Variants in DDX5 observed in about 807,000 individuals in gnomAD.
DDX5 encodes probable ATP-dependent RNA helicase DDX5.
Under a neutral mutation model 68.6 loss-of-function variants are expected in DDX5, and 6 were observed. The observed-to-expected ratio is 0.09, with a 90% CI of 0.05 to 0.17. The LOEUF (loss-of-function observed/expected upper bound fraction) is 0.17. Among genes scored for constraint, DDX5 ranks in the 10% least tolerant of loss-of-function variants. The pLI, the probability that DDX5 is intolerant of heterozygous loss-of-function variation, is 1.00. For synonymous variants in DDX5, 350 were observed against 247.0 expected (o/e 1.42, Z -3.91); for missense variants, 499 against 756.1 (o/e 0.66, Z 3.99).
Position 64,499,559 on chromosome 17 carries a change from A to G in DDX5, c.*364T>C, listed in dbSNP as rs1203320280. On this transcript the variant is annotated 3_prime_UTR_variant, in exon 13 of 13. Coordinates refer to ENST00000225792, the MANE Select transcript of DDX5 (RefSeq NM_004396.5). ...ACCAAACAAAAACAAAAAAAAAACCAGACCATCTTAAGCAAAGTTTTACAT... is the reference window on the plus strand; with the variant it reads ...ACCAAACAAAAACAAAAAAAAAACCGGACCATCTTAAGCAAAGTTTTACAT... 8.5e-6 allele frequency: 2 copies of G among 236,328 alleles called. No homozygotes were observed. The highest frequency in any genetic ancestry group is 1.7e-5 in the Non-Finnish European group (2 of 121,188). 14.6% of individuals were successfully genotyped at this position (236,328 alleles called of 1,614,324 possible). A position where few individuals can be genotyped will look rare whatever the true frequency, so the allele number is the denominator to read the frequency against.
In DDX5 at chr17:64,498,254, T is replaced by C. The variant is rs1313083550; in HGVS notation, c.*1669A>G. Among the ~76,000 whole-genome samples the C allele has an allele frequency of 5.3e-5, 8 of 152,042 alleles. No homozygotes were observed. Among genetic ancestry groups the C allele is most frequent in the African/African-American group, 1.9e-4 (8 of 41,400 alleles). On this transcript the variant is annotated 3_prime_UTR_variant, in exon 13 of 13. Coordinates refer to ENST00000225792, the MANE Select transcript of DDX5 (RefSeq NM_004396.5). ...TACGCAAATAAATAAAAAGAGAGAA[T>C]GGGGAGAAAAATCACATTTATTAGT...
intron 12 of DDX5, 42 bp downstream of exon 12, chr17:64,500,507 T>C (rs781866615): frequency 7.0e-6 from 11 of 1,578,520 alleles, no homozygotes; most frequent in East Asian, 2.3e-5. Flanking sequence ...TAGACAACGA[T>C]GTGACTCGTA....
intron 2 of DDX5, 179 bp downstream of exon 2, chr17:64,504,498 A>AT (rs2038376978): frequency 1.1e-6 from 1 of 941,698 alleles, no homozygotes. Context: ...ACTCAACCTA[A>AT]TTTAAGTAAA....
At chr17:64,500,378 T>C (rs1218844256) in intron 12 of DDX5, 52 bp from the exon 13 acceptor site, 7 of 1,561,728 alleles carry the variant, frequency 4.5e-6, no homozygotes, top group African/African-American at 4.1e-5. Flanking sequence ...ACACAAATCA[T>C]TGTGGACAGA....
rs1555671497 is a variant in DDX5 at position 64,503,591 on chromosome 17, T to C, written c.508-20A>G. ...CAAACACTAAGGAAAGAGAAACAGC[T>C]TTCAGCACAAACCTGGATACTAGTT... On this transcript the variant is annotated intron_variant, in intron 5 of 12. Transcript: ENST00000225792. 2 of 1,612,780 alleles carry C rather than the reference T, an allele frequency of 1.2e-6. No homozygotes were observed. Among genetic ancestry groups the C allele is most frequent in the Admixed American group, 3.4e-5 (2 of 59,648 alleles).
rs200755111 is a variant in DDX5 at position 64,503,385 on chromosome 17, G to C, written c.650-37C>G. The C allele has an allele frequency of 5.0e-5, 80 of 1,613,928 alleles. No individual in the cohort carries two copies. In the South Asian group the frequency reaches 7.6e-4, roughly 15 times the overall value. ...TACGTAAGTGTAACTACAATACCTA[G>C]GATATTTAGCACCAATGACAAATAA... On this transcript the variant is annotated intron_variant, in intron 6 of 12. Coordinates refer to ENST00000225792, the MANE Select transcript of DDX5 (RefSeq NM_004396.5).
chr17:64,501,908 A>T (rs2038306011), intron 11 of DDX5, 102 bp downstream of exon 11: 1 of 1,259,358 alleles, frequency 7.9e-7, no homozygotes. Context: ...GTGAAAAAAA[A>T]CTTAGAAAAA....
intron 1 of DDX5, chr17:64,505,632 A>T: frequency 1.7e-6 from 2 of 1,143,278 alleles, no homozygotes; most frequent in Non-Finnish European, 2.5e-6. Flanking sequence ...CGACTCAGCC[A>T]CATGGCTGAT....
Position 64,500,540 on chromosome 17 carries a change from C to T in DDX5, c.1441+9G>A. ...GTAACTACCAACATTTCCTATCAGT[C>T]ATCCTTACCTGAACCTCTGTCTTCG... On this transcript the variant is annotated intron_variant, in intron 12 of 12. Transcript: ENST00000225792. The T allele has an allele frequency of 6.2e-7, 1 of 1,609,702 alleles. No homozygotes were observed. Among genetic ancestry groups the T allele is most frequent in the Non-Finnish European group, 8.5e-7 (1 of 1,176,974 alleles).
chr17:64,504,128 A>C lies in DDX5; in HGVS notation c.308-12T>G. 6.2e-7 allele frequency: 1 copy of C among 1,614,024 alleles called. No individual in the cohort carries two copies. Among genetic ancestry groups the C allele is most frequent in the African/African-American group, 1.3e-5 (1 of 75,056 alleles). ...ATCCATGACATTTGCTATAATTAGT[A>C]ACAGATATTTAGTAAAAATTAGTGA... On this transcript the variant is annotated splice_polypyrimidine_tract_variant and intron_variant, in intron 3 of 12. Coordinates refer to ENST00000225792, the MANE Select transcript of DDX5 (RefSeq NM_004396.5).
intron 1 of DDX5, 57 bp downstream of exon 1, chr17:64,506,019 G>GTGCCCCCCC: frequency 3.7e-6 from 5 of 1,360,422 alleles, no homozygotes; most frequent in Non-Finnish European, 5.1e-6. Flanking sequence ...CCGCCACCCT[G>GTGCCCCCCC]ACCCGCCCTC....
In DDX5 at chr17:64,498,772, G is replaced by A. The variant is rs1304775009; in HGVS notation, c.*1151C>T. On this transcript the variant is annotated 3_prime_UTR_variant, in exon 13 of 13. Transcript: ENST00000225792. ...TAGCTATTACTGAAATAAATGATTA[G>A]AAAGTTACGTTGGTGAGCCGAAGTT... Among the ~76,000 whole-genome samples the A allele has an allele frequency of 6.6e-5, 10 of 152,130 alleles. No individual in the cohort carries two copies. Among genetic ancestry groups the A allele is most frequent in the African/African-American group, 2.4e-4 (10 of 41,432 alleles).
chr17:64,502,884 A>C, intron 8 of DDX5, 42 bp downstream of exon 8: 1 of 1,518,518 alleles, frequency 6.6e-7, no homozygotes, highest in Non-Finnish European at 8.8e-7. Flanking sequence ...TTTTACAGCA[A>C]AGTTGTTAGG....
chr17:64,503,137 T>G (rs782476876), intron 7 of DDX5, 39 bp from the exon 8 acceptor site: 2 of 1,612,656 alleles, frequency 1.2e-6, no homozygotes, highest in Admixed American at 1.7e-5. Context: ...ATCAGACTCT[T>G]AAGAGTGAAA....
chr17:64,502,894 G>A lies in DDX5; in HGVS notation c.983+32C>T, dbSNP rs782532210. 26 of 1,532,712 alleles carry A rather than the reference G, an allele frequency of 1.7e-5. No individual in the cohort carries two copies. The South Asian group carries it at 1.9e-4, about 11-fold the overall frequency. 94.9% of individuals were successfully genotyped at this position (1,532,712 alleles called of 1,614,324 possible). A position where few individuals can be genotyped will look rare whatever the true frequency, so the allele number is the denominator to read the frequency against. On this transcript the variant is annotated intron_variant, in intron 8 of 12. Coordinates refer to ENST00000225792, the MANE Select transcript of DDX5 (RefSeq NM_004396.5). ...CTCAATTTTACAGCAAAGTTGTTAG[G>A]AAGCAAATATAACAGAGTTAATAAA... is the stretch of plus-strand genomic sequence containing the variant.
At chr17:64,504,581 C>T (rs543395899) in intron 2 of DDX5, 96 bp downstream of exon 2, 3 of 1,409,700 alleles carry the variant, frequency 2.1e-6, no homozygotes, top group East Asian at 4.6e-5. Context: ...TGTAACTCTA[C>T]CAAAATTGAG....
At chr17:64,506,292 C>G, upstream of DDX5, 1 of 1,523,244 alleles carries the variant, frequency 6.6e-7, no homozygotes, top group Admixed American at 2.0e-5. Flanking sequence ...AATGAGGTGC[C>G]GGCCGCTTTC....
chr17:64,498,371 C>A lies in DDX5; in HGVS notation c.*1552G>T, dbSNP rs186995715. Reference sequence around the variant, plus strand: ...GTAAATAGGTAAATGTTTTCCACAGCCCAACAATCATTTCAGTGTTTACAA... The same window carrying A: ...GTAAATAGGTAAATGTTTTCCACAGACCAACAATCATTTCAGTGTTTACAA... On this transcript the variant is annotated 3_prime_UTR_variant, in exon 13 of 13. Coordinates refer to ENST00000225792, the MANE Select transcript of DDX5 (RefSeq NM_004396.5). Among the ~76,000 whole-genome samples, 45 of 152,276 alleles carry A rather than the reference C, an allele frequency of 3.0e-4. 1 individual carries two copies. The highest frequency in any genetic ancestry group is 1.9e-4 in the East Asian group (1 of 5,188).
rs1166208031 is a variant in DDX5 at position 64,499,896 on chromosome 17, CAG to C, written c.*25_*26del. 6 of 1,522,494 alleles carry C rather than the reference CAG, an allele frequency of 3.9e-6. No individual in the cohort carries two copies. The African/African-American group carries it at 6.9e-5, about 18-fold the overall frequency. 94.3% of individuals were successfully genotyped at this position (1,522,494 alleles called of 1,614,324 possible). ...CAATATAAAGAGCAATTATGAAAAA[CAG>C]ACATTTACATATACTTCTAAAGTCT... On this transcript the variant is annotated 3_prime_UTR_variant, in exon 13 of 13. Coordinates refer to ENST00000225792, the MANE Select transcript of DDX5 (RefSeq NM_004396.5).
Sources: allele counts gnomAD v4.1 joint callset (sites outside exome capture counted in the v4.1 genomes callset), GRCh38; gene constraint gnomAD v4.1.1; transcripts MANE v1.5; gene names NCBI Gene and HGNC (gene_info 2026-07-23, HGNC 2026-07-21).